The following KHNYN variants were observed in gnomAD, a reference collection of about 807,000 sequenced individuals.
KHNYN encodes the protein KH and NYN domain containing, also known as protein KHNYN.
Under a neutral mutation model 62.7 loss-of-function variants are expected in KHNYN, and 42 were observed. The observed-to-expected ratio is 0.67, with a 90% CI of 0.52 to 0.87. The LOEUF is 0.87. Ranked by LOEUF, KHNYN falls within the 40% of genes least tolerant of loss-of-function variation. The pLI is 0.00. For synonymous variants in KHNYN, 347 were observed against 345.6 expected (o/e 1.00, Z -0.04); for missense variants, 829 against 874.1 (o/e 0.95, Z 0.65).
chr14:24,429,025 T>C, upstream of KHNYN: 1 of 1,523,634 alleles, frequency 6.6e-7, no homozygotes, highest in Non-Finnish European at 8.8e-7. Flanking sequence ...GTAGGGGACC[T>C]GGTAGCCAGT....
Position 24,440,125 on chromosome 14 carries a change from G to T in KHNYN, c.*2840G>T. ...TTAAGGCAGCCCCTAGCTCTGGGAA[G>T]GAATACTGGTAGCCAGTGGCCAGTG... On this transcript the variant is annotated 3_prime_UTR_variant, in exon 8 of 8. Transcript: ENST00000553935. The T allele has an allele frequency of 6.2e-7, 1 of 1,611,280 alleles. No individual in the cohort carries two copies.
upstream of KHNYN, among the ~76,000 whole-genome samples, chr14:24,425,769 C>A (rs2043013992): frequency 6.6e-6 from 1 of 152,214 alleles, no homozygotes; most frequent in Admixed American, 6.5e-5. Context: ...CAAGCCTGAG[C>A]AGTGAACAGT....
At position 24,433,119 on chromosome 14, in the gene KHNYN, C is replaced by T. The variant is rs565679170; in HGVS notation, c.1577+87C>T. On this transcript the variant is annotated intron_variant, in intron 5 of 7. Transcript: ENST00000553935. ...AGAGAGAAAAGCTCCTGGTGGTTTA[C>T]GCTGTTTCTAAGCCTTGGTGGTGGG... The T allele has an allele frequency of 3.3e-5, 42 of 1,273,764 alleles. 1 individual carries two copies. Among genetic ancestry groups the T allele is most frequent in the East Asian group, 3.2e-4 (14 of 43,132 alleles). 78.9% of individuals were successfully genotyped at this position (1,273,764 alleles called of 1,614,324 possible).
At position 24,430,040 on chromosome 14, in the gene KHNYN, C is replaced by A; in HGVS notation, c.-97C>A. On this transcript the variant is annotated 5_prime_UTR_variant, in exon 1 of 8. Transcript: ENST00000553935. ...CCAGATTCGGGCCCCCTGCCCTTGT[C>A]CCCTGGGCTGGGGGCGCGGGCAAAG... The A allele has an allele frequency of 1.0e-6, 1 of 985,558 alleles. No individual in the cohort carries two copies. The allele number at this position is 985,558 out of a possible 1,614,324, so 61.1% of individuals were successfully genotyped here. A position where few individuals can be genotyped will look rare whatever the true frequency, so the allele number is the denominator to read the frequency against.
intron 5 of KHNYN, chr14:24,435,708 G>T: frequency 7.3e-6 from 2 of 273,996 alleles, no homozygotes; most frequent in South Asian, 4.9e-5. Context: ...TTGGCAGATA[G>T]GATGCTACTG....
upstream of KHNYN, chr14:24,426,459 T>C (rs905865262): frequency 6.6e-6 from 1 of 152,164 alleles, no homozygotes; most frequent in African/African-American, 2.4e-5. Context: ...TTAGTGACAG[T>C]TCAAAAAGTT....
In KHNYN at chr14:24,440,315, C is replaced by T. The variant is rs2043287416; in HGVS notation, c.*3030C>T. 6.2e-7 allele frequency: 1 copy of T among 1,613,904 alleles called. No individual in the cohort carries two copies. Among genetic ancestry groups the T allele is most frequent in the Non-Finnish European group, 8.5e-7 (1 of 1,179,896 alleles). On this transcript the variant is annotated 3_prime_UTR_variant, in exon 8 of 8. Transcript: ENST00000553935. ...ATTAGTGGCGGAGGATGGAGCCACT[C>T]CATTCAGGACCCCGTGCACGTGGTT...
rs553272858 is a variant in KHNYN at position 24,441,331 on chromosome 14, A to T, written c.*4046A>T. ...TAAGGAATAAATGATAATAAGCATAAAACACTTCAAATAGTGGCTGGTGTG... is the reference window on the plus strand; with the variant it reads ...TAAGGAATAAATGATAATAAGCATATAACACTTCAAATAGTGGCTGGTGTG... On this transcript the variant is annotated 3_prime_UTR_variant, in exon 8 of 8. Coordinates refer to ENST00000553935, the MANE Select transcript of KHNYN (RefSeq NM_015299.3). 8 of 450,952 alleles carry T rather than the reference A, an allele frequency of 1.8e-5. No individual in the cohort carries two copies. Among genetic ancestry groups the T allele is most frequent in the South Asian group, 1.6e-4 (7 of 42,570 alleles). The allele number at this position is 450,952 out of a possible 1,614,324, so 27.9% of individuals were successfully genotyped here.
At chr14:24,427,999 G>C (rs746041135), upstream of KHNYN, 1 of 1,609,678 alleles carries the variant, frequency 6.2e-7, no homozygotes. This position sits in a 1 kb window ranked among gnomAD's most constrained non-coding sequence, Gnocchi z 4.4. Flanking sequence ...GGGGAGGGGA[G>C]CCCAGTTAGC....
upstream of KHNYN, among the ~76,000 whole-genome samples, chr14:24,425,521 G>A (rs1393998737): frequency 6.6e-6 from 1 of 152,180 alleles, no homozygotes; most frequent in African/African-American, 2.4e-5. Context: ...AGCTAAGGAT[G>A]GTAGAACAAG....
chr14:24,434,695 G>A (rs1217027408), intron 5 of KHNYN, among the ~76,000 whole-genome samples: 2 of 152,200 alleles, frequency 1.3e-5, no homozygotes, highest in African/African-American at 4.8e-5. Context: ...GAGCCACCAA[G>A]CCCGGCCATA....
rs1473005777 is a variant in KHNYN at position 24,432,905 on chromosome 14, A to G, written c.1481-31A>G. On this transcript the variant is annotated intron_variant, in intron 4 of 7. Transcript: ENST00000553935. This position sits in a 1 kb window ranked among gnomAD's most constrained non-coding sequence, Gnocchi z 5.6. Reference sequence around the variant, plus strand: ...CAGGATAGGCTCTGTTTCCACTTTGAGGAGAACCCTATTATGTTCTTTTTC... The same window carrying G: ...CAGGATAGGCTCTGTTTCCACTTTGGGGAGAACCCTATTATGTTCTTTTTC... 2 of 1,614,184 alleles carry G rather than the reference A, an allele frequency of 1.2e-6. No individual in the cohort carries two copies. Among genetic ancestry groups the G allele is most frequent in the East Asian group, 4.5e-5 (2 of 44,884 alleles).
chr14:24,425,523 T>C (rs1476977794), upstream of KHNYN, among the ~76,000 whole-genome samples: 5 of 152,180 alleles, frequency 3.3e-5, no homozygotes, highest in African/African-American at 4.8e-5. Flanking sequence ...CTAAGGATGG[T>C]AGAACAAGAC....
upstream of KHNYN, chr14:24,427,738 C>T: frequency 1.9e-6 from 3 of 1,555,806 alleles, no homozygotes; most frequent in Non-Finnish European, 2.7e-6. This position sits in a 1 kb window ranked among gnomAD's most constrained non-coding sequence, Gnocchi z 4.4. Flanking sequence ...CAAGAGAGGG[C>T]AGAAGAAAGT....
Position 24,440,710 on chromosome 14 carries a change from C to G in KHNYN, c.*3425C>G, listed in dbSNP as rs920027191. 6 of 1,554,180 alleles carry G rather than the reference C, an allele frequency of 3.9e-6. No homozygotes were observed. In the African/African-American group the frequency reaches 5.5e-5, roughly 14 times the overall value. The stretch of plus-strand genomic sequence containing the variant: ...TCACTCTGTAATTGTAATCTCAGCT[C>G]TCCTAATCCCATCACTTCCCCAGCC... On this transcript the variant is annotated 3_prime_UTR_variant, in exon 8 of 8. Coordinates refer to ENST00000553935, the MANE Select transcript of KHNYN (RefSeq NM_015299.3).
At chr14:24,430,569 C>A (rs1430646407) in intron 1 of KHNYN, 145 bp from the exon 2 acceptor site, 11 of 1,433,028 alleles carry the variant, frequency 7.7e-6, no homozygotes, top group Non-Finnish European at 1.0e-5. Context: ...TCCCTACCTC[C>A]AGTGGACTCA....
chr14:24,434,050 C>G (rs1019950120), intron 5 of KHNYN: 1 of 657,570 alleles, frequency 1.5e-6, no homozygotes, highest in African/African-American at 1.9e-5. Context: ...AAATGGTATT[C>G]TACAAAAAAG....
chr14:24,439,823 A>C lies in KHNYN; in HGVS notation c.*2538A>C. 1 of 432,300 alleles carries C rather than the reference A, an allele frequency of 2.3e-6. No individual in the cohort carries two copies. The highest frequency in any genetic ancestry group is 4.1e-6 in the Non-Finnish European group (1 of 241,958). The allele number at this position is 432,300 out of a possible 1,614,324, so 26.8% of individuals were successfully genotyped here. A position where few individuals can be genotyped will look rare whatever the true frequency, so the allele number is the denominator to read the frequency against. On this transcript the variant is annotated 3_prime_UTR_variant, in exon 8 of 8. Coordinates refer to ENST00000553935, the MANE Select transcript of KHNYN (RefSeq NM_015299.3). ...TGCAGAGCATTCTCTACACAGCGTA[A>C]AGGAGAAGTGGGGCAGCTGCAGGAC...
rs1352036159 is a variant in KHNYN, at chr14:24,440,827, G to A, written c.*3542G>A. The A allele has an allele frequency of 6.2e-7, 1 of 1,613,638 alleles. No individual in the cohort carries two copies. The highest frequency in any genetic ancestry group is 8.5e-7 in the Non-Finnish European group (1 of 1,179,804). Reference sequence around the variant, plus strand: ...GCGTGTAGAATCTCCAGGAAGCCTGGCTGCAGCTTCCCATTTGGTTACGAG... The same window carrying A: ...GCGTGTAGAATCTCCAGGAAGCCTGACTGCAGCTTCCCATTTGGTTACGAG... On this transcript the variant is annotated 3_prime_UTR_variant, in exon 8 of 8. Transcript: ENST00000553935.
Sources: allele counts gnomAD v4.1 joint callset (sites outside exome capture counted in the v4.1 genomes callset), GRCh38; gene constraint gnomAD v4.1.1; non-coding constraint Gnocchi (gnomAD v3.1); transcripts MANE v1.5; gene names NCBI Gene and HGNC (gene_info 2026-07-23, HGNC 2026-07-21).